Variants in FAM171B observed in about 807,000 individuals in gnomAD.
FAM171B encodes protein FAM171B.
A neutral mutation model predicts 75.6 loss-of-function variants in FAM171B; 19 were observed. The ratio of observed to expected loss-of-function variants is 0.25; its 90% confidence interval spans 0.18 to 0.37. FAM171B has a LOEUF of 0.37. FAM171B is among the 10% of genes least tolerant of loss of function. The pLI is 1.00. For synonymous variants in FAM171B, 367 were observed against 361.7 expected (o/e 1.01, Z -0.17); for missense variants, 848 against 982.4 (o/e 0.86, Z 1.83).
chr2:186,725,000 C>T (rs1690009285), intron 1 of FAM171B, among the ~76,000 whole-genome samples: 3 of 152,106 alleles, frequency 2.0e-5, no homozygotes, highest in East Asian at 3.8e-4. Context: ...TTTGGCAGAG[C>T]CTTTACATAT....
chr2:186,740,197 C>G, intron 1 of FAM171B, 31 bp from the exon 2 acceptor site: 1 of 1,511,408 alleles, frequency 6.6e-7, no homozygotes, highest in Non-Finnish European at 9.2e-7. Flanking sequence ...TAGGATACGA[C>G]ATGCTGCAAT....
chr2:186,761,858 G>A lies in FAM171B; in HGVS notation c.1516G>A (p.Gly506Ser), dbSNP rs764829737. The change falls in exon 8 of 8, where the codon GGT becomes AGT. Residue 506 changes from glycine (G) to serine (S), a missense_variant. Gly to Ser is a moderately conservative substitution (Grantham distance 56). This residue lies in a region of FAM171B where 665 missense variants were observed against 729.0 expected (regional missense o/e 0.91). Transcript: ENST00000304698. ...HINNNLSSSLGDAQDEKRYLT... is the reference protein window; with the variant it reads ...HINNNLSSSLSDAQDEKRYLT... ...TAACAACAATCTATCTTCATCTCTA[G>A]GTGATGCTCAAGATGAAAAGAGGTA... The A allele has an allele frequency of 3.7e-6, 6 of 1,613,194 alleles. No homozygotes were observed. The South Asian group carries it at 4.4e-5, about 12-fold the overall frequency.
At chr2:186,716,796 A>T (rs2682874) in intron 1 of FAM171B, among the ~76,000 whole-genome samples, 3,092 of 152,298 alleles carry the variant, frequency 0.02, 105 homozygotes, top group African/African-American at 0.069. Flanking sequence ...GCATTTTCAT[A>T]GTTAATAGTG....
At chr2:186,700,554 T>C (rs143441631) in intron 1 of FAM171B, among the ~76,000 whole-genome samples, 2 of 152,350 alleles carry the variant, frequency 1.3e-5, no homozygotes, top group African/African-American at 4.8e-5. Flanking sequence ...ATTTTATTCA[T>C]TTTGTAGCAC....
chr2:186,743,006 A>G (rs762747896), intron 2 of FAM171B, among the ~76,000 whole-genome samples: 7 of 152,256 alleles, frequency 4.6e-5, no homozygotes, highest in Admixed American at 1.3e-4. Context: ...CTTTTGGCAA[A>G]CCACACTGTT....
In FAM171B at chr2:186,761,755, A is replaced by G. The variant is rs932688839; in HGVS notation, c.1413A>G (p.Ser471=). Residue 471 remains serine, a synonymous_variant, in exon 8 of 8, where the codon TCA becomes TCG. Transcript: ENST00000304698. The part of the protein sequence containing the change: ...KIYNEDVSFL[S]VNQNNYSRNP... ...ACAATGAAGATGTTTCATTTCTATC[A>G]GTCAATCAAAATAATTACTCAAGAA... 4.3e-6 allele frequency: 7 copies of G among 1,613,340 alleles called. No homozygotes were observed. Among genetic ancestry groups the G allele is most frequent in the Non-Finnish European group, 5.9e-6 (7 of 1,179,724 alleles).
At chr2:186,714,871 TG>T (rs972809157) in intron 1 of FAM171B, among the ~76,000 whole-genome samples, 1 of 152,182 alleles carries the variant, frequency 6.6e-6, no homozygotes, top group Non-Finnish European at 1.5e-5. Flanking sequence ...AAGGCAGCCG[TG>T]TCTAGATAGC....
intron 1 of FAM171B, among the ~76,000 whole-genome samples, chr2:186,725,625 C>T (rs1690021600): frequency 6.6e-6 from 1 of 152,220 alleles, no homozygotes; most frequent in Non-Finnish European, 1.5e-5. Flanking sequence ...GAGGAGCGCT[C>T]TCACATTAGT....
At chr2:186,759,712 G>C (rs188547019) in intron 6 of FAM171B, among the ~76,000 whole-genome samples, 50 of 151,962 alleles carry the variant, frequency 3.3e-4, no homozygotes, top group African/African-American at 1.2e-3. Flanking sequence ...CTGGAGTTGA[G>C]TTCCTTATAT....
rs921443457 is a variant in FAM171B, at chr2:186,764,729, G to T, written c.*1906G>T. The T allele has an allele frequency of 6.6e-6, 1 of 151,484 alleles. No homozygotes were observed. The highest frequency in any genetic ancestry group is 1.5e-5 in the Non-Finnish European group (1 of 67,756). The allele number at this position is 151,484 out of a possible 1,614,324, so 9.4% of individuals were successfully genotyped here. ...GTTTTATTAAAAATATAGACCTAGT[G>T]TTTCATGTTGGAACAATAAATATTG... On this transcript the variant is annotated 3_prime_UTR_variant, in exon 8 of 8. Transcript: ENST00000304698.
intron 1 of FAM171B, among the ~76,000 whole-genome samples, chr2:186,716,207 T>A (rs1351357657): frequency 1.3e-5 from 2 of 152,046 alleles, no homozygotes; most frequent in African/African-American, 2.4e-5. Flanking sequence ...AGAGATAGGG[T>A]CTCACTGTAT....
At chr2:186,722,660 C>T (rs892025801) in intron 1 of FAM171B, among the ~76,000 whole-genome samples, 1 of 152,032 alleles carries the variant, frequency 6.6e-6, no homozygotes, top group African/African-American at 2.4e-5. Flanking sequence ...CTGGGTTGTC[C>T]GGTGGCATAG....
intron 4 of FAM171B, 103 bp downstream of exon 4, chr2:186,747,353 G>A: frequency 1.6e-6 from 1 of 609,326 alleles, no homozygotes; most frequent in Non-Finnish European, 2.4e-6. Context: ...TATAAGCTAT[G>A]GATAATACAC....
intron 1 of FAM171B, among the ~76,000 whole-genome samples, chr2:186,710,146 C>G (rs1472106445): frequency 6.6e-6 from 1 of 152,106 alleles, no homozygotes; most frequent in Admixed American, 6.5e-5. Context: ...TTAAAAATCC[C>G]TGAAATTCTG....
chr2:186,736,682 A>C (rs1043537479), intron 1 of FAM171B, among the ~76,000 whole-genome samples: 1 of 98,818 alleles, frequency 1.0e-5, no homozygotes, highest in African/African-American at 3.9e-5. Context: ...AGTTTGGTGG[A>C]TTGAACCTTC....
chr2:186,738,320 A>G (rs1690234756), intron 1 of FAM171B, among the ~76,000 whole-genome samples: 1 of 151,934 alleles, frequency 6.6e-6, no homozygotes, highest in Non-Finnish European at 1.5e-5. Context: ...TAAGGTACAC[A>G]GACACTGGAG....
intron 1 of FAM171B, among the ~76,000 whole-genome samples, chr2:186,699,171 A>C (rs562913240): frequency 6.6e-6 from 1 of 152,220 alleles, no homozygotes; most frequent in African/African-American, 2.4e-5. Context: ...ATCATATGGT[A>C]CCTCTATTTT....
At chr2:186,723,119 G>T (rs1326317871) in intron 1 of FAM171B, among the ~76,000 whole-genome samples, 1 of 152,120 alleles carries the variant, frequency 6.6e-6, no homozygotes, top group African/African-American at 2.4e-5. Context: ...TGCAAAGGAG[G>T]CTAGGGTACT....
intron 6 of FAM171B, among the ~76,000 whole-genome samples, chr2:186,757,923 A>C (rs764573217): frequency 1.3e-5 from 2 of 152,192 alleles, no homozygotes; most frequent in Non-Finnish European, 2.9e-5. Context: ...TAATCAAACC[A>C]ATCCTCCATA....
Sources: allele counts gnomAD v4.1 joint callset (sites outside exome capture counted in the v4.1 genomes callset), GRCh38; gene constraint gnomAD v4.1.1; regional missense constraint gnomAD v4.1.1; transcripts MANE v1.5; gene names NCBI Gene and HGNC (gene_info 2026-07-23, HGNC 2026-07-21).